CBFB: variants seen among roughly 807,000 people sequenced by gnomAD.
CBFB encodes CBF-beta.
CBFB carries 9 observed loss-of-function variants against 30.4 expected under a neutral mutation model. That is an observed-to-expected ratio of 0.30 (90% CI 0.18 to 0.52). CBFB has a LOEUF of 0.52. Ranked by LOEUF, CBFB falls within the 20% of genes least tolerant of loss-of-function variation. CBFB has a pLI of 0.97. For missense variants in CBFB, 170 were observed against 244.0 expected, an observed-to-expected ratio of 0.70 and a Z score of 2.02; for synonymous variants, 94 against 84.0, an observed-to-expected ratio of 1.12 and a Z score of -0.65.
chr16:67,032,318 C>T (rs969204959), intron 2 of CBFB, among the ~76,000 whole-genome samples: 3 of 152,154 alleles, frequency 2.0e-5, no homozygotes, highest in South Asian at 4.1e-4. Context: ...GAGTGAGACC[C>T]GGTCTCCAAA....
At chr16:67,030,084 A>G in intron 2 of CBFB, 1 of 393,450 alleles carries the variant, frequency 2.5e-6, no homozygotes. Flanking sequence ...AAACAAGCGA[A>G]GGGCATTGTT....
intron 3 of CBFB, among the ~76,000 whole-genome samples, chr16:67,056,574 TC>T (rs1449627067): frequency 6.6e-6 from 1 of 152,210 alleles, no homozygotes; most frequent in Non-Finnish European, 1.5e-5. Flanking sequence ...TATGTTTTTT[TC>T]CATTAACAGC....
At chr16:67,054,630 T>C (rs934726522) in intron 3 of CBFB, among the ~76,000 whole-genome samples, 1 of 152,198 alleles carries the variant, frequency 6.6e-6, no homozygotes, top group Non-Finnish European at 1.5e-5. Context: ...GGAATGATCC[T>C]GTTACCTTAT....
chr16:67,075,697 T>C (rs1019359135), intron 4 of CBFB, among the ~76,000 whole-genome samples: 2 of 152,140 alleles, frequency 1.3e-5, no homozygotes, highest in East Asian at 3.8e-4. Context: ...TAGCTAGAAA[T>C]TGTAAACTGC....
At chr16:67,081,539 C>T (rs998015934) in intron 4 of CBFB, among the ~76,000 whole-genome samples, 1 of 152,018 alleles carries the variant, frequency 6.6e-6, no homozygotes, top group African/African-American at 2.4e-5. Flanking sequence ...AGGTGGCTTG[C>T]ACCTGTAATC....
intron 3 of CBFB, among the ~76,000 whole-genome samples, chr16:67,060,831 A>G (rs1365481899): frequency 6.6e-6 from 1 of 152,220 alleles, no homozygotes; most frequent in Non-Finnish European, 1.5e-5. Context: ...TGGAATTAAC[A>G]GGCATGAGCC....
rs1172678314 is a variant in CBFB, at chr16:67,098,784, AGCACAGCAG to A, written c.*7_*15del. ...ATGACCTCAAACTTCGTTAATTAAT[AGCACAGCAG>A]ATGTGTGCTGCCCATCTTTACATAC... On this transcript the variant is annotated 3_prime_UTR_variant, in exon 6 of 6. Transcript: ENST00000412916. 1 of 1,535,804 alleles carries A rather than the reference AGCACAGCAG, an allele frequency of 6.5e-7. No individual in the cohort carries two copies. The highest frequency in any genetic ancestry group is 2.2e-5 in the East Asian group (1 of 44,470).
At position 67,033,567 on chromosome 16, in the gene CBFB, G is replaced by A. The variant is rs201568591; in HGVS notation, c.166-3072G>A. On this transcript the variant is annotated intron_variant, in intron 2 of 5. Coordinates refer to ENST00000412916, the MANE Select transcript of CBFB (RefSeq NM_022845.3). ...ACTGCTGGCCTCAAGTGATGTGCCT[G>A]CCTCAGTGAGCCACTGCACCCAGCC... 8.6e-5 allele frequency among the ~76,000 whole-genome samples: 13 copies of A among 151,728 alleles called. No homozygotes were observed. The East Asian group carries it at 1.7e-3, about 20-fold the overall frequency.
At chr16:67,087,032 A>G (rs895164693) in intron 5 of CBFB, among the ~76,000 whole-genome samples, 2 of 152,140 alleles carry the variant, frequency 1.3e-5, no homozygotes, top group South Asian at 4.1e-4. Flanking sequence ...AGTGTATGCA[A>G]AGGCATGGAG....
At chr16:67,051,779 C>T (rs1378924490) in intron 3 of CBFB, among the ~76,000 whole-genome samples, 5 of 149,814 alleles carry the variant, frequency 3.3e-5, no homozygotes, top group South Asian at 2.1e-4. Flanking sequence ...GTTGGAGTCT[C>T]GCTCTGTTGC....
At chr16:67,086,814 G>A (rs1332724689) in intron 5 of CBFB, among the ~76,000 whole-genome samples, 1 of 152,112 alleles carries the variant, frequency 6.6e-6, no homozygotes, top group Non-Finnish European at 1.5e-5. Flanking sequence ...CAGTCTTGTG[G>A]GAAAATGATG....
chr16:67,072,704 G>C (rs925112260), intron 4 of CBFB, among the ~76,000 whole-genome samples: 7 of 151,756 alleles, frequency 4.6e-5, no homozygotes, highest in Non-Finnish European at 8.8e-5. Flanking sequence ...GACCTCAGGT[G>C]ATCTGCCCGC....
intron 5 of CBFB, among the ~76,000 whole-genome samples, chr16:67,085,083 T>C (rs1465425967): frequency 6.6e-6 from 1 of 152,186 alleles, no homozygotes; most frequent in Non-Finnish European, 1.5e-5. Flanking sequence ...TGTTAAAATA[T>C]ATTTACTTAG....
At position 67,088,891 on chromosome 16, in the gene CBFB, G is replaced by C. The variant is rs142803248; in HGVS notation, c.495+6583G>C. The stretch of plus-strand genomic sequence containing the variant: ...TATGTGTAAGGTTAAGATTACTAAG[G>C]GGGGAAGCAGAACTCCAAGTGGTTG... On this transcript the variant is annotated intron_variant, in intron 5 of 5. Coordinates refer to ENST00000412916, the MANE Select transcript of CBFB (RefSeq NM_022845.3). 6.1e-4 allele frequency among the ~76,000 whole-genome samples: 93 copies of C among 152,304 alleles called. No individual in the cohort carries two copies. The East Asian group carries it at 0.017, about 27-fold the overall frequency.
At chr16:67,052,331 A>C (rs1388316350) in intron 3 of CBFB, among the ~76,000 whole-genome samples, 1 of 152,194 alleles carries the variant, frequency 6.6e-6, no homozygotes, top group Non-Finnish European at 1.5e-5. Context: ...GCACTTTGGG[A>C]GGCCAAGGTG....
At chr16:67,095,209 TCAAAA>T (rs1962006441) in intron 5 of CBFB, among the ~76,000 whole-genome samples, 1 of 21,134 alleles carries the variant, frequency 4.7e-5, no homozygotes, top group Admixed American at 6.1e-4. Flanking sequence ...AAAGTGTGTC[TCAAAA>T]AAAAAAAAAA....
In CBFB at chr16:67,084,370, TTATAA is replaced by T. The variant is rs1008784583; in HGVS notation, c.495+2067_495+2071del. Among the ~76,000 whole-genome samples, 64 of 152,130 alleles carry T rather than the reference TTATAA, an allele frequency of 4.2e-4. 1 individual carries two copies. The highest frequency in any genetic ancestry group is 1.4e-3 in the African/African-American group (57 of 41,510). ...ATAATCAAAACACATTAAAATATAA[TTATAA>T]TATATCAACTAAACAGAACCATTTC... On this transcript the variant is annotated intron_variant, in intron 5 of 5. Coordinates refer to ENST00000412916, the MANE Select transcript of CBFB (RefSeq NM_022845.3).
chr16:67,082,435 G>T (rs1961591649), intron 5 of CBFB, 127 bp downstream of exon 5: 1 of 1,163,240 alleles, frequency 8.6e-7, no homozygotes, highest in African/African-American at 1.5e-5. Flanking sequence ...TTAAAAAGTT[G>T]TACTCTCTGG....
At chr16:67,051,745 T>C (rs1403330771) in intron 3 of CBFB, among the ~76,000 whole-genome samples, 3 of 149,968 alleles carry the variant, frequency 2.0e-5, no homozygotes, top group Non-Finnish European at 4.4e-5. Flanking sequence ...TTTTGGTGTT[T>C]TTTTTGTGTT....
Sources: gnomAD v4.1 joint callset for allele counts (sites outside exome capture counted in the v4.1 genomes callset) on GRCh38, gnomAD v4.1.1 for gene constraint, MANE v1.5 for transcripts, NCBI Gene and HGNC (gene_info 2026-07-23, HGNC 2026-07-21) for gene names.